The following RBFOX1 variants were observed in gnomAD, a reference collection of about 807,000 sequenced individuals.
RBFOX1 encodes the protein RNA binding protein fox-1 homolog 1.
In RBFOX1, 8 loss-of-function variants were observed where a neutral mutation model predicts 57.7. The observed-to-expected ratio is 0.14, with a 90% CI of 0.08 to 0.25. RBFOX1 has a LOEUF of 0.25. RBFOX1 is among the 10% of genes least tolerant of loss of function. The pLI is 1.00. For missense variants in RBFOX1, 611 were observed against 548.5 expected (o/e 1.11, Z -1.14); for synonymous variants, 326 against 222.4 (o/e 1.47, Z -4.15).
chr16:6,527,156 A>T (rs758334264), intron 2 of RBFOX1, among the ~76,000 whole-genome samples: 13 of 152,180 alleles, frequency 8.5e-5, no homozygotes, highest in Non-Finnish European at 1.3e-4. Context: ...AACATTCAAA[A>T]ATATAAAAAG....
chr16:6,224,530 C>G (rs1041893291), intron 1 of RBFOX1, among the ~76,000 whole-genome samples: 1 of 151,954 alleles, frequency 6.6e-6, no homozygotes, highest in Non-Finnish European at 1.5e-5. Flanking sequence ...TATGTGAGAA[C>G]AAAAAAGCCC....
intron 3 of RBFOX1, among the ~76,000 whole-genome samples, chr16:6,843,308 C>T (rs968711111): frequency 1.3e-5 from 2 of 151,794 alleles, no homozygotes; most frequent in Admixed American, 6.6e-5. Context: ...CCATGGTGGT[C>T]TTCTGGAGCA....
intron 1 of RBFOX1, among the ~76,000 whole-genome samples, chr16:6,165,133 T>C (rs1296796988): frequency 6.6e-6 from 1 of 152,122 alleles, no homozygotes; most frequent in Non-Finnish European, 1.5e-5. Context: ...TGTCCAAGCC[T>C]CAGCTTTGGC....
intron 4 of RBFOX1, among the ~76,000 whole-genome samples, chr16:7,356,405 A>C (rs2097214949): frequency 6.6e-6 from 1 of 152,196 alleles, no homozygotes; most frequent in Non-Finnish European, 1.5e-5. Flanking sequence ...ACTAAAGAAA[A>C]GAACTGAAAG....
chr16:7,182,328 G>C (rs533624956), intron 4 of RBFOX1, among the ~76,000 whole-genome samples: 127 of 152,104 alleles, frequency 8.3e-4, no homozygotes, highest in African/African-American at 3.0e-3. Flanking sequence ...CAAAAAAAAA[G>C]ACCAAAAAGT....
At chr16:6,783,894 C>G (rs956513738) in intron 3 of RBFOX1, among the ~76,000 whole-genome samples, 1 of 152,074 alleles carries the variant, frequency 6.6e-6, no homozygotes, top group African/African-American at 2.4e-5. Flanking sequence ...ACGTTTGAAG[C>G]ATAACTATGC....
chr16:6,066,599 T>C (rs946791117), intron 1 of RBFOX1, among the ~76,000 whole-genome samples: 7 of 152,084 alleles, frequency 4.6e-5, no homozygotes, highest in Non-Finnish European at 2.9e-5. Flanking sequence ...GAACTTACGA[T>C]TTTTGACAGC....
intron 3 of RBFOX1, among the ~76,000 whole-genome samples, chr16:5,805,015 T>A (rs1462551118): frequency 6.6e-6 from 1 of 152,114 alleles, no homozygotes; most frequent in Non-Finnish European, 1.5e-5. Flanking sequence ...CTGCTGTGAC[T>A]TGGAGGCTCT....
At chr16:6,694,144 C>G (rs886791887) in intron 3 of RBFOX1, among the ~76,000 whole-genome samples, 11 of 152,224 alleles carry the variant, frequency 7.2e-5, no homozygotes, top group African/African-American at 2.2e-4. Context: ...CTCATCATGA[C>G]TCTGCCAACT....
chr16:5,814,408 C>T lies in RBFOX1; in HGVS notation c.319-52895C>T, dbSNP rs146997721. Among the ~76,000 whole-genome samples the T allele has an allele frequency of 6.2e-3, 943 of 152,276 alleles. 11 individuals are homozygous for T. Among genetic ancestry groups the T allele is most frequent in the African/African-American group, 0.021 (864 of 41,548 alleles). On this transcript the variant is annotated intron_variant, in intron 3 of 19. Coordinates refer to the RBFOX1 transcript ENST00000641259. ...AGCTTCACCAACTTTTTCCCTCTTC[C>T]GAAGAATTATACCCCCAGCAGCGAC...
chr16:5,258,278 A>C (rs530326221), intron 1 of RBFOX1, among the ~76,000 whole-genome samples: 2 of 152,348 alleles, frequency 1.3e-5, no homozygotes, highest in South Asian at 4.1e-4. Context: ...ACATAAGTAT[A>C]AAAACTATTA....
intron 4 of RBFOX1, among the ~76,000 whole-genome samples, chr16:7,315,852 C>T (rs2096426666): frequency 6.6e-6 from 1 of 152,136 alleles, no homozygotes; most frequent in Non-Finnish European, 1.5e-5. Flanking sequence ...CACAAGACAG[C>T]AGTCAACATC....
At chr16:7,271,768 C>A (rs1011557192) in intron 4 of RBFOX1, among the ~76,000 whole-genome samples, 1 of 151,994 alleles carries the variant, frequency 6.6e-6, no homozygotes, top group Non-Finnish European at 1.5e-5. Context: ...TTCTCTGTAT[C>A]CATAGCTAAG....
intron 4 of RBFOX1, among the ~76,000 whole-genome samples, chr16:7,110,264 G>C (rs1176215841): frequency 1.3e-5 from 2 of 151,872 alleles, no homozygotes; most frequent in Non-Finnish European, 2.9e-5. Context: ...GGGAGGCTGA[G>C]GCAGAAGGAT....
chr16:7,109,557 G>A (rs1049437918), intron 4 of RBFOX1, among the ~76,000 whole-genome samples: 1 of 152,104 alleles, frequency 6.6e-6, no homozygotes, highest in African/African-American at 2.4e-5. Context: ...TCTGCAGTTG[G>A]AAGCTGCAAA....
chr16:7,574,219 G>A (rs114638206), intron 5 of RBFOX1, among the ~76,000 whole-genome samples: 1 of 152,282 alleles, frequency 6.6e-6, no homozygotes, highest in Admixed American at 6.5e-5. Context: ...GGCCATGATC[G>A]AAGGCCACTG....
intron 3 of RBFOX1, among the ~76,000 whole-genome samples, chr16:6,988,884 G>A (rs1285060276): frequency 6.6e-6 from 1 of 151,800 alleles, no homozygotes. Context: ...GATTCTCCCT[G>A]CCTTAGCCTC....
chr16:5,424,871 TTTTTTTTC>T (rs1281786728), intron 1 of RBFOX1, among the ~76,000 whole-genome samples: 4,421 of 118,496 alleles, frequency 0.037, 177 homozygotes, highest in Non-Finnish European at 0.053. Context: ...TCTTTCTTTC[TTTTTTTTC>T]TTTCTTTCTT....
chr16:7,070,041 C>G (rs181493887), intron 4 of RBFOX1, among the ~76,000 whole-genome samples: 85 of 152,282 alleles, frequency 5.6e-4, no homozygotes, highest in Non-Finnish European at 2.9e-5. Flanking sequence ...TTTATCCCTC[C>G]TCCTCTTTTT....
Sources: gnomAD v4.1 joint callset for allele counts (sites outside exome capture counted in the v4.1 genomes callset) on GRCh38, gnomAD v4.1.1 for gene constraint, MANE v1.5 for transcripts, NCBI Gene and HGNC (gene_info 2026-07-23, HGNC 2026-07-21) for gene names.